P2RX1: variants seen among roughly 807,000 people sequenced by gnomAD.
The protein encoded by P2RX1 is purinergic receptor P2X 1, also known as P2X purinoceptor 1.
In P2RX1, 42 loss-of-function variants were observed where a neutral mutation model predicts 50.3. That is an observed-to-expected ratio of 0.83 (90% CI 0.65 to 1.08). The LOEUF (loss-of-function observed/expected upper bound fraction) is 1.08. P2RX1 is among the 50% of genes least tolerant of loss of function. P2RX1 has a pLI of 0.00. For synonymous variants in P2RX1, 199 were observed against 202.6 expected (o/e 0.98, Z 0.15); for missense variants, 449 against 529.0 (o/e 0.85, Z 1.48).
At position 3,898,083 on chromosome 17, in the gene P2RX1, G is replaced by C. The variant is rs2056067054; in HGVS notation, c.1060C>G (p.Leu354Val). ...TAGTGCCTCTTAGGCAGGATGTGAAGCAGCAGCAGGTCACAGAGAACTGTG... is the reference window on the plus strand; with the variant it reads ...TAGTGCCTCTTAGGCAGGATGTGAACCAGCAGCAGGTCACAGAGAACTGTG... The part of the protein sequence containing the change: ...VATVLCDLLL[L>V]HILPKRHYYK... Residue 354 changes from leucine to valine, a missense_variant, in exon 11 of 12, where the codon CTT becomes GTT. Transcript: ENST00000225538. 1.2e-6 allele frequency: 2 copies of C among 1,613,542 alleles called. No homozygotes were observed. Among genetic ancestry groups the C allele is most frequent in the East Asian group, 4.5e-5 (2 of 44,764 alleles).
rs8071591 is a variant in P2RX1, at chr17:3,902,615, T to G, written c.747+587A>C. Reference sequence around the variant, plus strand: ...CCGGCCAATTTTTGTTTTTGTTTTTTTTTTGTTTTTGAGATGGAATCTTGC... The same window carrying G: ...CCGGCCAATTTTTGTTTTTGTTTTTGTTTTGTTTTTGAGATGGAATCTTGC... On this transcript the variant is annotated intron_variant, in intron 7 of 11. Transcript: ENST00000225538. Among the ~76,000 whole-genome samples the G allele has an allele frequency of 5.8e-3, 876 of 150,982 alleles. 5 individuals carry two copies. The highest frequency in any genetic ancestry group is 0.016 in the African/African-American group (638 of 41,074).
In P2RX1 at chr17:3,897,792, G is replaced by T. The variant is rs1258251034; in HGVS notation, c.*22C>A. 7 of 1,609,952 alleles carry T rather than the reference G, an allele frequency of 4.3e-6. No homozygotes were observed. The highest frequency in any genetic ancestry group is 5.9e-6 in the Non-Finnish European group (7 of 1,178,220). ...AGGCTGAAGCCTCACGCTGCACCCAGTCAGGAGTTGGGGCCCGAGCATCAG... is the reference window on the plus strand; with the variant it reads ...AGGCTGAAGCCTCACGCTGCACCCATTCAGGAGTTGGGGCCCGAGCATCAG... On this transcript the variant is annotated 3_prime_UTR_variant, in exon 12 of 12. Transcript: ENST00000225538.
Position 3,915,856 on chromosome 17 carries a change from ACT to A in P2RX1, c.137+231_137+232del, listed in dbSNP as rs545023235. 2.2e-4 allele frequency: 150 copies of A among 668,462 alleles called. 3 individuals are homozygous for A. The highest frequency in any genetic ancestry group is 2.1e-3 in the South Asian group (137 of 66,400). 41.4% of individuals were successfully genotyped at this position (668,462 alleles called of 1,614,324 possible). A position where few individuals can be genotyped will look rare whatever the true frequency, so the allele number is the denominator to read the frequency against. ...TGAGCCGGCTCCTCAGAACCCAGAGACTCTGCCTCCTGTTCACCGAAGGCCCC... is the reference window on the plus strand; with the variant it reads ...TGAGCCGGCTCCTCAGAACCCAGAGACTGCCTCCTGTTCACCGAAGGCCCC... On this transcript the variant is annotated intron_variant, in intron 1 of 11. Coordinates refer to ENST00000225538, the MANE Select transcript of P2RX1 (RefSeq NM_002558.4).
intron 3 of P2RX1, 125 bp downstream of exon 3, chr17:3,904,733 T>G: frequency 1.3e-6 from 1 of 752,022 alleles, no homozygotes; most frequent in Non-Finnish European, 2.3e-6. Flanking sequence ...TGCGCCCAAA[T>G]TTCCATCACT....
intron 1 of P2RX1, among the ~76,000 whole-genome samples, chr17:3,913,423 A>G (rs973608716): frequency 2.6e-5 from 4 of 152,150 alleles, no homozygotes; most frequent in African/African-American, 9.7e-5. Flanking sequence ...CACTGTGCCC[A>G]GCCTTAACTG....
In P2RX1 at chr17:3,903,833, G is replaced by T; in HGVS notation, c.524+95C>A. On this transcript the variant is annotated intron_variant, in intron 5 of 11. Coordinates refer to ENST00000225538, the MANE Select transcript of P2RX1 (RefSeq NM_002558.4). This position sits in a 1 kb window ranked among gnomAD's most constrained non-coding sequence, Gnocchi z 4.6. ...GTTGCGCGGATGGGGTGAGGGTGGG[G>T]TCAGAAAAAGGGGTAAAGATCCTTT... 8.3e-7 allele frequency: 1 copy of T among 1,209,462 alleles called. No individual in the cohort carries two copies. Among genetic ancestry groups the T allele is most frequent in the South Asian group, 1.2e-5 (1 of 81,696 alleles). The allele number at this position is 1,209,462 out of a possible 1,614,324, so 74.9% of individuals were successfully genotyped here. A position where few individuals can be genotyped will look rare whatever the true frequency, so the allele number is the denominator to read the frequency against.
rs1248046252 is a variant in P2RX1 at position 3,897,664 on chromosome 17, C to T, written c.*150G>A. ...CTCAGATTTGCACAGGTCTCTCCTA[C>T]TATGCACCCTGAGCTTCTGGCAAAC... On this transcript the variant is annotated 3_prime_UTR_variant, in exon 12 of 12. Transcript: ENST00000225538. 1 of 719,022 alleles carries T rather than the reference C, an allele frequency of 1.4e-6. No homozygotes were observed. Among genetic ancestry groups the T allele is most frequent in the African/African-American group, 1.7e-5 (1 of 57,456 alleles). 44.5% of individuals were successfully genotyped at this position (719,022 alleles called of 1,614,324 possible).
chr17:3,910,660 T>C, intron 1 of P2RX1, among the ~76,000 whole-genome samples: 1 of 151,602 alleles, frequency 6.6e-6, no homozygotes, highest in East Asian at 1.9e-4. Context: ...CAGGCAGGAG[T>C]TGACCAGATG....
rs761986939 is a variant in P2RX1 at position 3,903,877 on chromosome 17, C to T, written c.524+51G>A. 6.9e-7 allele frequency: 1 copy of T among 1,452,678 alleles called. No homozygotes were observed. Among genetic ancestry groups the T allele is most frequent in the Non-Finnish European group, 9.7e-7 (1 of 1,032,744 alleles). The allele number at this position is 1,452,678 out of a possible 1,614,324, so 90.0% of individuals were successfully genotyped here. On this transcript the variant is annotated intron_variant, in intron 5 of 11. Transcript: ENST00000225538. This position sits in a 1 kb window ranked among gnomAD's most constrained non-coding sequence, Gnocchi z 4.6. ...ATCCTTTCTAGACCTAGGCCCCCCT[C>T]TGTCTGGCCTGGGACCCTGTTCTTA...
intron 1 of P2RX1, among the ~76,000 whole-genome samples, chr17:3,906,382 C>T (rs768088775): frequency 2.0e-5 from 3 of 152,328 alleles, no homozygotes; most frequent in Middle Eastern, 3.4e-3. Flanking sequence ...CCGCCCGCCT[C>T]GGCCTCCCAA....
chr17:3,903,404 C>A lies in P2RX1; in HGVS notation c.606-61G>T, dbSNP rs2056191208. On this transcript the variant is annotated intron_variant, in intron 6 of 11. Coordinates refer to ENST00000225538, the MANE Select transcript of P2RX1 (RefSeq NM_002558.4). The surrounding 1 kb of genome is among the most constrained non-coding windows in gnomAD (Gnocchi z 4.6). Reference sequence around the variant, plus strand: ...TCATCCGGGAGGGTGCCCACCACGCCCCAAAGCCTGGGGACCCCTCACAGG... The same window carrying A: ...TCATCCGGGAGGGTGCCCACCACGCACCAAAGCCTGGGGACCCCTCACAGG... 2 of 1,610,562 alleles carry A rather than the reference C, an allele frequency of 1.2e-6. No individual in the cohort carries two copies. Among genetic ancestry groups the A allele is most frequent in the Admixed American group, 1.7e-5 (1 of 59,646 alleles).
chr17:3,911,796 C>T (rs1177405191), intron 1 of P2RX1, among the ~76,000 whole-genome samples: 6 of 152,190 alleles, frequency 3.9e-5, no homozygotes, highest in African/African-American at 7.2e-5. Context: ...TATTCCTCTC[C>T]GGCCCCAAGA....
In P2RX1 at chr17:3,916,302, C is replaced by G; in HGVS notation, c.-77G>C. 6.6e-7 allele frequency: 1 copy of G among 1,523,592 alleles called. No individual in the cohort carries two copies. The highest frequency in any genetic ancestry group is 9.0e-7 in the Non-Finnish European group (1 of 1,114,926). 94.4% of individuals were successfully genotyped at this position (1,523,592 alleles called of 1,614,324 possible). ...AGGGTGAGCCGGGTGCCACCACCCA[C>G]GTCGATGGTAGAGCTTCTGGGGGCT... On this transcript the variant is annotated 5_prime_UTR_variant, in exon 1 of 12. Coordinates refer to ENST00000225538, the MANE Select transcript of P2RX1 (RefSeq NM_002558.4).
In P2RX1 at chr17:3,903,699, G is replaced by C. The variant is rs1279230759; in HGVS notation, c.525-68C>G. ...CCCCTGTGTGTCCCACACAGAGCTT[G>C]GCACAGCAGGGGGTGGGCCGAGCCT... On this transcript the variant is annotated intron_variant, in intron 5 of 11. Transcript: ENST00000225538. This position sits in a 1 kb window ranked among gnomAD's most constrained non-coding sequence, Gnocchi z 4.6. 1.3e-6 allele frequency: 2 copies of C among 1,529,930 alleles called. No homozygotes were observed. Among genetic ancestry groups the C allele is most frequent in the African/African-American group, 2.7e-5 (2 of 73,246 alleles). 94.8% of individuals were successfully genotyped at this position (1,529,930 alleles called of 1,614,324 possible).
Position 3,898,916 on chromosome 17 carries a change from C to T in P2RX1, c.966+18G>A, listed in dbSNP as rs1385448084. 4 of 1,599,218 alleles carry T rather than the reference C, an allele frequency of 2.5e-6. No homozygotes were observed. The highest frequency in any genetic ancestry group is 1.1e-5 in the South Asian group (1 of 90,780). On this transcript the variant is annotated intron_variant, in intron 9 of 11. Transcript: ENST00000225538. ...AGAATGTGTCTCAGCTGCCACCACC[C>T]TCACACTGGACACTCACCTTGCCGT...
intron 1 of P2RX1, among the ~76,000 whole-genome samples, chr17:3,911,356 C>A (rs1229642878): frequency 6.6e-6 from 1 of 152,044 alleles, no homozygotes; most frequent in Non-Finnish European, 1.5e-5. Flanking sequence ...CAAGCGGTTT[C>A]TTTCATGCAT....
At chr17:3,902,354 C>T (rs2056165079) in intron 7 of P2RX1, among the ~76,000 whole-genome samples, 1 of 151,226 alleles carries the variant, frequency 6.6e-6, no homozygotes, top group Non-Finnish European at 1.5e-5. Flanking sequence ...AGTGCAGTGG[C>T]GTGATCTCAG....
In P2RX1 at chr17:3,897,344, C is replaced by A; in HGVS notation, c.*470G>T. On this transcript the variant is annotated 3_prime_UTR_variant, in exon 12 of 12. Transcript: ENST00000225538. Reference sequence around the variant, plus strand: ...TGTCCAGTATGGCAGCCACTAACCACACGTATCTACTGAGCAGTTGAAATG... The same window carrying A: ...TGTCCAGTATGGCAGCCACTAACCAAACGTATCTACTGAGCAGTTGAAATG... 4.3e-6 allele frequency: 1 copy of A among 232,826 alleles called. No homozygotes were observed. Among genetic ancestry groups the A allele is most frequent in the Non-Finnish European group, 8.7e-6 (1 of 114,292 alleles). 14.4% of individuals were successfully genotyped at this position (232,826 alleles called of 1,614,324 possible). A position where few individuals can be genotyped will look rare whatever the true frequency, so the allele number is the denominator to read the frequency against.
chr17:3,908,211 G>A (rs2056301824), intron 1 of P2RX1, among the ~76,000 whole-genome samples: 1 of 152,204 alleles, frequency 6.6e-6, no homozygotes, highest in African/African-American at 2.4e-5. Flanking sequence ...CGGTCTTGAG[G>A]TCGAAGGGAA....
Sources: gnomAD v4.1 joint callset for allele counts (sites outside exome capture counted in the v4.1 genomes callset) on GRCh38, gnomAD v4.1.1 for gene constraint, Gnocchi (gnomAD v3.1) non-coding constraint, MANE v1.5 for transcripts, NCBI Gene and HGNC (gene_info 2026-07-23, HGNC 2026-07-21) for gene names.